FLVCR2: variants seen among roughly 807,000 people sequenced by gnomAD.
The protein encoded by FLVCR2 is choline/ethanolamine transporter FLVCR2.
Under a neutral mutation model 48.9 loss-of-function variants are expected in FLVCR2, and 38 were observed. The observed-to-expected ratio is 0.78, with a 90% confidence interval of 0.60 to 1.02. FLVCR2 has a LOEUF of 1.02. Among genes scored for constraint, FLVCR2 ranks in the 50% least tolerant of loss-of-function variants. The pLI is 0.00. For synonymous variants in FLVCR2, 255 were observed against 257.0 expected (o/e 0.99, Z 0.07); for missense variants, 664 against 663.3 (o/e 1.00, Z -0.01).
At chr14:75,635,563 T>G in intron 5 of FLVCR2, among the ~76,000 whole-genome samples, 1 of 152,224 alleles carries the variant, frequency 6.6e-6, no homozygotes, top group East Asian at 1.9e-4. Context: ...AGCCTGGAGC[T>G]ATTTTAAAAG....
At chr14:75,604,186 C>G (rs1034234400) in intron 1 of FLVCR2, 2 of 152,186 alleles carry the variant, frequency 1.3e-5, no homozygotes, top group African/African-American at 4.8e-5. Flanking sequence ...TACGGCCATA[C>G]CACCCTAAAT....
intron 3 of FLVCR2, among the ~76,000 whole-genome samples, chr14:75,633,383 G>A (rs1890093060): frequency 1.3e-5 from 2 of 152,186 alleles, no homozygotes; most frequent in South Asian, 4.1e-4. Flanking sequence ...AAATTAAAGG[G>A]ATCAGAGAGC....
rs79247802 is a variant in FLVCR2, at chr14:75,607,779, A to G, written c.670-14300A>G. ...CTTTTAGTGCCCTTTCTTGAACTCAAAAAAAAAGGGGGGCTCGGTGTGGTG... is the reference window on the plus strand; with the variant it reads ...CTTTTAGTGCCCTTTCTTGAACTCAGAAAAAAAGGGGGGCTCGGTGTGGTG... On this transcript the variant is annotated intron_variant, in intron 1 of 9. Coordinates refer to ENST00000238667, the MANE Select transcript of FLVCR2 (RefSeq NM_017791.3). Among the ~76,000 whole-genome samples the G allele has an allele frequency of 1.3e-3, 191 of 148,466 alleles. No individual in the cohort carries two copies. The East Asian group carries it at 0.023, about 18-fold the overall frequency.
At chr14:75,616,026 C>CAAAAAAAAAAA (rs10629813) in intron 1 of FLVCR2, among the ~76,000 whole-genome samples, 1,269 of 25,600 alleles carry the variant, frequency 0.05, 427 homozygotes, top group Middle Eastern at 0.062. Context: ...GACTCCATCT[C>CAAAAAAAAAAA]AAAAAAAAAA....
intron 1 of FLVCR2, among the ~76,000 whole-genome samples, chr14:75,611,168 A>G (rs1889434850): frequency 6.6e-6 from 1 of 152,234 alleles, no homozygotes; most frequent in African/African-American, 2.4e-5. Flanking sequence ...AGAAACCTGT[A>G]AAGTGTAACT....
Position 75,641,378 on chromosome 14 carries a change from C to T in FLVCR2, c.1453+85C>T, listed in dbSNP as rs919669740. On this transcript the variant is annotated intron_variant, in intron 8 of 9. Transcript: ENST00000238667. Reference sequence around the variant, plus strand: ...TCGATGGAGCAACAGATAGGGAGTACGTACGTAGGGGGACAGATGGAAGGG... The same window carrying T: ...TCGATGGAGCAACAGATAGGGAGTATGTACGTAGGGGGACAGATGGAAGGG... 214 of 845,880 alleles carry T rather than the reference C, an allele frequency of 2.5e-4. No homozygotes were observed. The African/African-American group carries it at 2.8e-3, about 11-fold the overall frequency. 52.4% of individuals were successfully genotyped at this position (845,880 alleles called of 1,614,324 possible).
At chr14:75,622,312 A>G (rs1023848119) in intron 2 of FLVCR2, 92 bp downstream of exon 2, 83 of 1,231,938 alleles carry the variant, frequency 6.7e-5, no homozygotes, top group Non-Finnish European at 9.3e-5. Flanking sequence ...ACATGCCCTG[A>G]AATACCATGG....
Position 75,579,417 on chromosome 14 carries a change from G to GGCC in FLVCR2, c.446_448dup (p.Gly149_Leu150insArg), listed in dbSNP as rs1745354731. 1 of 1,613,866 alleles carries GGCC rather than the reference G, an allele frequency of 6.2e-7. No homozygotes were observed. Among genetic ancestry groups the GGCC allele is most frequent in the Non-Finnish European group, 8.5e-7 (1 of 1,180,042 alleles). On this transcript the variant is annotated inframe_insertion, in exon 1 of 10. Transcript: ENST00000238667. Reference sequence around the variant, plus strand: ...AGTGGCTTGGCTGCTGGAGAAGTTCGGCCTGCGCACCATTGCTCTCACTGG... The same window carrying GGCC: ...AGTGGCTTGGCTGCTGGAGAAGTTCGGCCGCCTGCGCACCATTGCTCTCACTGG...
chr14:75,596,020 G>A, intron 1 of FLVCR2: 1 of 1,428,820 alleles, frequency 7.0e-7, no homozygotes, highest in South Asian at 1.1e-5. Context: ...CCACCAAAAT[G>A]AGTTTTGAAT....
chr14:75,643,290 T>C (rs750897759), intron 9 of FLVCR2, among the ~76,000 whole-genome samples: 2 of 152,224 alleles, frequency 1.3e-5, no homozygotes, highest in Non-Finnish European at 2.9e-5. Flanking sequence ...GATTAATATG[T>C]TGGAAGCTGA....
At chr14:75,585,522 G>C (rs1466875856) in intron 1 of FLVCR2, among the ~76,000 whole-genome samples, 1 of 152,132 alleles carries the variant, frequency 6.6e-6, no homozygotes, top group African/African-American at 2.4e-5. Context: ...AGTGAAGGAG[G>C]CAAGTTTAAA....
intron 5 of FLVCR2, among the ~76,000 whole-genome samples, chr14:75,636,053 T>G (rs1890160479): frequency 6.6e-6 from 1 of 152,148 alleles, no homozygotes; most frequent in South Asian, 2.1e-4. Context: ...CATCCTTCCC[T>G]TGTGATTTTC....
chr14:75,582,621 G>A (rs192723355), intron 1 of FLVCR2, among the ~76,000 whole-genome samples: 6 of 152,270 alleles, frequency 3.9e-5, no homozygotes, highest in Admixed American at 3.3e-4. Flanking sequence ...GGTCCCGGCT[G>A]TTGTGTAAGA....
At chr14:75,624,187 C>T (rs1889834738) in intron 2 of FLVCR2, among the ~76,000 whole-genome samples, 2 of 151,998 alleles carry the variant, frequency 1.3e-5, no homozygotes, top group Non-Finnish European at 2.9e-5. Flanking sequence ...CATGGCAAAA[C>T]CCCATCTCTA....
At chr14:75,596,751 T>C (rs1404752137) in intron 1 of FLVCR2, among the ~76,000 whole-genome samples, 2 of 151,400 alleles carry the variant, frequency 1.3e-5, no homozygotes, top group Admixed American at 1.3e-4. Context: ...ATAAAAAATC[T>C]GTACTCATTA....
At chr14:75,646,262 CTT>C in intron 9 of FLVCR2, 137 bp from the exon 10 acceptor site, 1 of 680,956 alleles carries the variant, frequency 1.5e-6, no homozygotes, top group East Asian at 2.8e-5. Flanking sequence ...TTCTTGTTCT[CTT>C]TCTTGGCTCT....
chr14:75,632,779 C>T, intron 3 of FLVCR2: 1 of 702,060 alleles, frequency 1.4e-6, no homozygotes, highest in Admixed American at 2.0e-5. Context: ...TATGGAGTGG[C>T]AGTACTTATT....
chr14:75,634,775 G>A, intron 4 of FLVCR2, 135 bp from the exon 5 acceptor site: 1 of 672,430 alleles, frequency 1.5e-6, no homozygotes, highest in Non-Finnish European at 2.7e-6. Flanking sequence ...AGGCCATCTT[G>A]TCCCGATATG....
intron 3 of FLVCR2, 78 bp from the exon 4 acceptor site, chr14:75,633,551 C>G: frequency 8.6e-7 from 1 of 1,163,054 alleles, no homozygotes; most frequent in Non-Finnish European, 1.3e-6. Context: ...GCCCACCCCC[C>G]AAATGCTGGG....
Sources: gnomAD v4.1 joint callset for allele counts (sites outside exome capture counted in the v4.1 genomes callset) on GRCh38, gnomAD v4.1.1 for gene constraint, MANE v1.5 for transcripts, NCBI Gene and HGNC (gene_info 2026-07-23, HGNC 2026-07-21) for gene names.